Variants in SAP18 observed in about 807,000 individuals in gnomAD.
SAP18 encodes histone deacetylase complex subunit SAP18.
A neutral mutation model predicts 18.6 loss-of-function variants in SAP18; 4 were observed. The observed-to-expected ratio is 0.21, with a 90% CI of 0.11 to 0.49. SAP18 has a LOEUF of 0.49. SAP18 is among the 20% of genes least tolerant of loss of function. The pLI is 0.98. For missense variants in SAP18, 170 were observed against 226.4 expected, an observed-to-expected ratio of 0.75 and a Z score of 1.60; for synonymous variants, 112 against 82.8, an observed-to-expected ratio of 1.35 and a Z score of -1.92.
chr13:21,143,159 A>AAT (rs1869529723), intron 2 of SAP18, among the ~76,000 whole-genome samples: 1 of 152,142 alleles, frequency 6.6e-6, no homozygotes, highest in Non-Finnish European at 1.5e-5. Flanking sequence ...TGCCATTGTG[A>AAT]ATAATGCTGC....
At chr13:21,144,405 CAAAAAAAAAAAAAAAA>C (rs36115551) in intron 2 of SAP18, among the ~76,000 whole-genome samples, 2 of 64,634 alleles carry the variant, frequency 3.1e-5, no homozygotes, top group Non-Finnish European at 5.4e-5. Flanking sequence ...GACTCCATCT[CAAAAAAAAAAAAAAAA>C]AAAAAAAAAA....
At chr13:21,141,813 TCCA>T in intron 2 of SAP18, among the ~76,000 whole-genome samples, 1 of 151,776 alleles carries the variant, frequency 6.6e-6, no homozygotes, top group Admixed American at 6.6e-5. Flanking sequence ...ATTACAGGTG[TCCA>T]CCACCACGCC....
chr13:21,147,080 AGT>A (rs1296504545), intron 3 of SAP18, 104 bp from the exon 4 acceptor site: 15 of 1,448,276 alleles, frequency 1.0e-5, no homozygotes, highest in Non-Finnish European at 1.4e-5. Context: ...AAATTTTGGA[AGT>A]GTGTTATAAA....
At chr13:21,141,068 TAG>T (rs1869449706) in intron 2 of SAP18, 73 bp downstream of exon 2, 2 of 947,680 alleles carry the variant, frequency 2.1e-6, no homozygotes, top group Non-Finnish European at 3.4e-6. Flanking sequence ...TTTGCCAGTG[TAG>T]AGTTATTCTC....
upstream of SAP18, chr13:21,140,392 C>T: frequency 1.4e-6 from 1 of 702,888 alleles, no homozygotes; most frequent in South Asian, 1.9e-5. Context: ...GCACCTCCTC[C>T]CCGCGGACGT....
intron 2 of SAP18, among the ~76,000 whole-genome samples, chr13:21,143,564 A>G (rs890068832): frequency 2.0e-5 from 3 of 152,236 alleles, no homozygotes; most frequent in African/African-American, 4.8e-5. Flanking sequence ...GTTTCTTCCA[A>G]CAAGAGTTCC....
intron 2 of SAP18, among the ~76,000 whole-genome samples, chr13:21,145,419 A>G (rs911309292): frequency 1.3e-5 from 2 of 152,226 alleles, no homozygotes; most frequent in African/African-American, 2.4e-5. Context: ...GGTAAGGGAT[A>G]CTGAACCTAT....
intron 2 of SAP18, 103 bp downstream of exon 2, chr13:21,141,098 T>C: frequency 1.3e-6 from 1 of 784,872 alleles, no homozygotes; most frequent in Non-Finnish European, 2.2e-6. Context: ...TCAATTTCAT[T>C]TCTCCACTTG....
chr13:21,141,064 A>T (rs530770899), intron 2 of SAP18, 69 bp downstream of exon 2: 1 of 974,012 alleles, frequency 1.0e-6, no homozygotes, highest in African/African-American at 1.6e-5. Flanking sequence ...TGCCTTTGCC[A>T]GTGTAGAGTT....
chr13:21,140,366 A>G (rs969435515), upstream of SAP18: 1 of 607,718 alleles, frequency 1.6e-6, no homozygotes, highest in Admixed American at 3.0e-5. Flanking sequence ...ACCAACTGCT[A>G]GGCGACGGAC....
At chr13:21,147,436 A>G in exon 4 of SAP18, 1 of 1,150,818 alleles carries the variant, frequency 8.7e-7, no homozygotes, top group Non-Finnish European at 1.2e-6. Flanking sequence ...TTAAGCCTTT[A>G]AATTCTAAAC....
At chr13:21,146,371 C>T (rs575007311) in intron 2 of SAP18, 1 of 153,816 alleles carries the variant, frequency 6.5e-6, no homozygotes, top group East Asian at 1.9e-4. Flanking sequence ...TATGAAAATG[C>T]TTTCCTAGTA....
At chr13:21,142,526 C>CA (rs1456932863) in intron 2 of SAP18, among the ~76,000 whole-genome samples, 12 of 151,756 alleles carry the variant, frequency 7.9e-5, no homozygotes, top group African/African-American at 2.7e-4. Flanking sequence ...AGGGTTTCAC[C>CA]ATGTTGGCCA....
intron 2 of SAP18, among the ~76,000 whole-genome samples, chr13:21,145,202 G>A (rs2137339236): frequency 1.3e-5 from 2 of 151,850 alleles, no homozygotes; most frequent in Middle Eastern, 6.8e-3. Context: ...GAGTAGCTGG[G>A]ATTACAGGCG....
intron 2 of SAP18, 45 bp downstream of exon 2, chr13:21,141,040 G>A: frequency 8.2e-7 from 1 of 1,217,526 alleles, no homozygotes; most frequent in Non-Finnish European, 1.2e-6. Context: ...CGGGAACCTG[G>A]AACAACAGTT....
intron 2 of SAP18, among the ~76,000 whole-genome samples, chr13:21,142,673 A>G (rs1869511984): frequency 6.6e-6 from 1 of 152,094 alleles, no homozygotes; most frequent in Non-Finnish European, 1.5e-5. Context: ...ATAGCATTCA[A>G]ATTGTTGTGC....
At chr13:21,140,450 T>C, upstream of SAP18, 1 of 1,344,074 alleles carries the variant, frequency 7.4e-7, no homozygotes, top group Non-Finnish European at 1.0e-6. Context: ...GCGCTCCGGC[T>C]CGCTCACCAC....
chr13:21,142,473 C>T (rs1234581083), intron 2 of SAP18, among the ~76,000 whole-genome samples: 2 of 151,676 alleles, frequency 1.3e-5, no homozygotes, highest in Non-Finnish European at 1.5e-5. Flanking sequence ...ATTACAGGCG[C>T]CCGCCACCAC....
chr13:21,142,387 C>T (rs1226311580), intron 2 of SAP18, among the ~76,000 whole-genome samples: 2 of 151,556 alleles, frequency 1.3e-5, no homozygotes, highest in African/African-American at 4.8e-5. Flanking sequence ...AGTGCAGTGG[C>T]GTGATCTCAG....
Sources: allele counts gnomAD v4.1 joint callset (sites outside exome capture counted in the v4.1 genomes callset), GRCh38; gene constraint gnomAD v4.1.1; transcripts MANE v1.5; gene names NCBI Gene and HGNC (gene_info 2026-07-23, HGNC 2026-07-21).